NFKB1: variants seen among roughly 807,000 people sequenced by gnomAD.
The protein encoded by NFKB1 is nuclear factor NF-kappa-B p105 subunit.
NFKB1 carries 9 observed loss-of-function variants against 105.1 expected under a neutral mutation model. The ratio of observed to expected loss-of-function variants is 0.09; its 90% CI spans 0.05 to 0.15. The LOEUF (loss-of-function observed/expected upper bound fraction) is 0.15. Among genes scored for constraint, NFKB1 ranks in the 10% least tolerant of loss-of-function variants. The pLI, the probability that NFKB1 is intolerant of heterozygous loss-of-function variation, is 1.00. For missense variants in NFKB1, 830 were observed against 1,203.7 expected, an observed-to-expected ratio of 0.69 and a Z score of 4.59; for synonymous variants, 440 against 442.2, an observed-to-expected ratio of 1.00 and a Z score of 0.06.
intron 1 of NFKB1, among the ~76,000 whole-genome samples, chr4:102,509,345 A>G (rs1739628084): frequency 1.3e-5 from 2 of 152,312 alleles, no homozygotes; most frequent in South Asian, 4.1e-4. Flanking sequence ...TGCAGTTACA[A>G]TTCTTTTTTT....
chr4:102,541,484 T>C (rs987233741), intron 5 of NFKB1, among the ~76,000 whole-genome samples: 5 of 152,304 alleles, frequency 3.3e-5, no homozygotes, highest in African/African-American at 9.6e-5. Flanking sequence ...AGATAAAATA[T>C]GTATCTTCAA....
intron 3 of NFKB1, among the ~76,000 whole-genome samples, chr4:102,530,482 A>C (rs571061817): frequency 4.2e-4 from 64 of 151,952 alleles, no homozygotes; most frequent in African/African-American, 1.5e-3. Flanking sequence ...TAAAAAAAAA[A>C]CTCTCTTTCT....
At chr4:102,571,841 C>T (rs1471412641) in intron 6 of NFKB1, among the ~76,000 whole-genome samples, 1 of 152,186 alleles carries the variant, frequency 6.6e-6, no homozygotes, top group Non-Finnish European at 1.5e-5. Context: ...ACAACAGGTG[C>T]TGGAGAGGTT....
At chr4:102,512,040 G>A (rs147092727) in intron 1 of NFKB1, among the ~76,000 whole-genome samples, 1 of 152,118 alleles carries the variant, frequency 6.6e-6, no homozygotes, top group African/African-American at 2.4e-5. Flanking sequence ...TCACACCAGC[G>A]GGAACTCTGC....
intron 11 of NFKB1, among the ~76,000 whole-genome samples, chr4:102,586,923 C>T (rs1051592886): frequency 5.9e-5 from 9 of 152,220 alleles, no homozygotes; most frequent in African/African-American, 2.2e-4. Flanking sequence ...AGAATTCGTG[C>T]TGCCACAGGA....
chr4:102,545,073 T>G (rs1195886031), intron 5 of NFKB1, among the ~76,000 whole-genome samples: 1 of 152,096 alleles, frequency 6.6e-6, no homozygotes, highest in Non-Finnish European at 1.5e-5. Flanking sequence ...CCTCATAAAG[T>G]CACATATTGG....
intron 6 of NFKB1, among the ~76,000 whole-genome samples, chr4:102,575,252 C>T (rs1433856884): frequency 6.6e-6 from 1 of 152,152 alleles, no homozygotes; most frequent in Non-Finnish European, 1.5e-5. Context: ...TGTGTCTTAG[C>T]TATCCACTTT....
chr4:102,582,675 G>A (rs553027674), intron 9 of NFKB1, among the ~76,000 whole-genome samples, 191 bp from the exon 10 acceptor site: 30 of 151,922 alleles, frequency 2.0e-4, no homozygotes, highest in Non-Finnish European at 3.8e-4. Context: ...AAGTTGGGGC[G>A]CATTACTGTG....
chr4:102,520,738 A>G (rs1251339630), intron 1 of NFKB1, among the ~76,000 whole-genome samples: 1 of 152,142 alleles, frequency 6.6e-6, no homozygotes, highest in African/African-American at 2.4e-5. Context: ...CACTAAGCCA[A>G]TATCAGAAAG....
chr4:102,607,071 C>A (rs1416016785), intron 17 of NFKB1, 79 bp from the exon 18 acceptor site: 22 of 1,441,152 alleles, frequency 1.5e-5, no homozygotes, highest in Non-Finnish European at 2.2e-5. Context: ...TCAGTTTTTG[C>A]CATTTCCTTC....
intron 4 of NFKB1, among the ~76,000 whole-genome samples, chr4:102,534,680 A>G (rs141282181): frequency 3.5e-4 from 54 of 152,308 alleles, no homozygotes; most frequent in African/African-American, 1.3e-3. Flanking sequence ...ACAGTCAGTA[A>G]ATCTTTGGAT....
intron 15 of NFKB1, among the ~76,000 whole-genome samples, chr4:102,598,019 T>C (rs370832173): frequency 2.4e-4 from 36 of 152,214 alleles, no homozygotes; most frequent in Non-Finnish European, 5.1e-4. Flanking sequence ...AGCATTGTTA[T>C]CCCAGCTGCA....
chr4:102,615,336 C>T (rs899648781), intron 23 of NFKB1, among the ~76,000 whole-genome samples: 1 of 152,198 alleles, frequency 6.6e-6, no homozygotes, highest in Non-Finnish European at 1.5e-5. Flanking sequence ...TTTCTCTGCT[C>T]CCCTGGCTCA....
At chr4:102,579,143 T>C in intron 8 of NFKB1, 104 bp downstream of exon 8, 1 of 1,182,140 alleles carries the variant, frequency 8.5e-7, no homozygotes, top group East Asian at 2.4e-5. Flanking sequence ...CTTAATCACT[T>C]TAAGCCTCAG....
chr4:102,604,538 A>G (rs1425105120), intron 16 of NFKB1, among the ~76,000 whole-genome samples: 6 of 152,016 alleles, frequency 3.9e-5, no homozygotes, highest in Non-Finnish European at 8.8e-5. Flanking sequence ...TATATTTTTT[A>G]AATGCCTAAG....
chr4:102,502,051 C>T (rs530574145), intron 1 of NFKB1: 289 of 151,900 alleles, frequency 1.9e-3, no homozygotes, highest in Non-Finnish European at 3.1e-3. Context: ...CACGTCCCTC[C>T]GCGGGGCGGG....
chr4:102,595,022 ATAAT>A, intron 13 of NFKB1, 41 bp downstream of exon 13: 1 of 1,362,838 alleles, frequency 7.3e-7, no homozygotes. Context: ...AAGGAAAAAA[ATAAT>A]TAATGCTAAA....
At chr4:102,535,002 G>A (rs1023959033) in intron 4 of NFKB1, among the ~76,000 whole-genome samples, 4 of 152,112 alleles carry the variant, frequency 2.6e-5, no homozygotes, top group African/African-American at 9.7e-5. Context: ...TGCTGTGGGG[G>A]CAAGAATGCC....
intron 6 of NFKB1, 83 bp downstream of exon 6, chr4:102,567,218 C>A: frequency 7.0e-7 from 1 of 1,420,394 alleles, no homozygotes; most frequent in Non-Finnish European, 9.7e-7. Context: ...AGGCCCCTTT[C>A]ATTAGGGACC....
Sources: gnomAD v4.1 joint callset for allele counts (sites outside exome capture counted in the v4.1 genomes callset) on GRCh38, gnomAD v4.1.1 for gene constraint, MANE v1.5 for transcripts, NCBI Gene and HGNC (gene_info 2026-07-23, HGNC 2026-07-21) for gene names.